The following CDH8 variants were observed in gnomAD, a reference collection of about 807,000 sequenced individuals.
CDH8 encodes cadherin-8.
CDH8 carries 17 observed loss-of-function variants against 68.1 expected under a neutral mutation model. The observed-to-expected ratio is 0.25, with a 90% CI of 0.17 to 0.37. CDH8 has a LOEUF of 0.37. Ranked by LOEUF, CDH8 falls within the 10% of genes least tolerant of loss-of-function variation. The pLI is 1.00. For synonymous variants in CDH8, 372 were observed against 365.1 expected (o/e 1.02, Z -0.21); for missense variants, 763 against 999.3 (o/e 0.76, Z 3.19).
chr16:61,852,869 C>CCTTCCTTCCTTCCTTCCTTCCATT (rs1962965741), intron 4 of CDH8, among the ~76,000 whole-genome samples: 2 of 135,588 alleles, frequency 1.5e-5, no homozygotes, highest in African/African-American at 6.2e-5. Flanking sequence ...TTCCTTCCTT[C>CCTTCCTTCCTTCCTTCCTTCCATT]CTTCCTTCCT....
intron 9 of CDH8, 162 bp downstream of exon 9, chr16:61,726,932 G>C (rs1223949094): frequency 1.4e-6 from 1 of 722,628 alleles, no homozygotes; most frequent in East Asian, 2.7e-5. Context: ...AATAACATCT[G>C]ATGGAGAAAA....
chr16:61,701,384 C>A (rs1023406329), intron 10 of CDH8, among the ~76,000 whole-genome samples: 1 of 152,124 alleles, frequency 6.6e-6, no homozygotes, highest in Non-Finnish European at 1.5e-5. Context: ...AATCACAGTG[C>A]TACACAATTC....
intron 3 of CDH8, among the ~76,000 whole-genome samples, chr16:61,865,415 T>G (rs1255502689): frequency 1.3e-5 from 2 of 152,206 alleles, no homozygotes; most frequent in East Asian, 3.9e-4. Context: ...ATGTCTTCTA[T>G]TCACCCATGC....
At chr16:61,894,594 C>T (rs7198107) in intron 3 of CDH8, among the ~76,000 whole-genome samples, 4,085 of 152,146 alleles carry the variant, frequency 0.027, 179 homozygotes, top group African/African-American at 0.092. Flanking sequence ...ACAACATTTG[C>T]AATTTTTCTC....
intron 3 of CDH8, among the ~76,000 whole-genome samples, chr16:61,877,859 C>T (rs1319989521): frequency 6.6e-6 from 1 of 151,914 alleles, no homozygotes; most frequent in East Asian, 1.9e-4. Context: ...CTTCAGTAGC[C>T]CACAATCATA....
intron 3 of CDH8, among the ~76,000 whole-genome samples, chr16:61,883,959 T>G (rs1399192236): frequency 2.6e-5 from 1 of 38,464 alleles, no homozygotes; most frequent in East Asian, 6.3e-4. Flanking sequence ...CAGTAGAAGG[T>G]TTTTTTTTAA....
At chr16:61,914,894 G>T (rs534739365) in intron 2 of CDH8, among the ~76,000 whole-genome samples, 1 of 152,272 alleles carries the variant, frequency 6.6e-6, no homozygotes, top group African/African-American at 2.4e-5. Flanking sequence ...TGAGACCTGT[G>T]TTAGACTTCT....
chr16:61,668,696 G>A (rs1963730200), intron 10 of CDH8, among the ~76,000 whole-genome samples: 2 of 150,032 alleles, frequency 1.3e-5, no homozygotes, highest in South Asian at 4.2e-4. Context: ...ACACACCAAG[G>A]CCTTTAGTGG....
chr16:61,812,969 A>G (rs1392096678), intron 7 of CDH8, among the ~76,000 whole-genome samples: 2 of 152,226 alleles, frequency 1.3e-5, no homozygotes, highest in African/African-American at 4.8e-5. Flanking sequence ...GAGATAATAC[A>G]TAATAGGAGC....
At chr16:61,723,210 T>A (rs935110368) in intron 9 of CDH8, among the ~76,000 whole-genome samples, 1 of 150,620 alleles carries the variant, frequency 6.6e-6, no homozygotes, top group African/African-American at 2.4e-5. Flanking sequence ...GAGGTAAGAG[T>A]TAGAACACAG....
intron 1 of CDH8, among the ~76,000 whole-genome samples, chr16:62,031,437 TC>T (rs1159915849): frequency 6.6e-6 from 1 of 152,072 alleles, no homozygotes; most frequent in Non-Finnish European, 1.5e-5. Context: ...GGGTGCAGGG[TC>T]TTTGCTAATT....
At position 61,647,616 on chromosome 16, in the gene CDH8, C is replaced by T. The variant is rs1963233066; in HGVS notation, c.*5992G>A. The T allele has an allele frequency of 5.4e-6, 3 of 555,112 alleles. No individual in the cohort carries two copies. Among genetic ancestry groups the T allele is most frequent in the Non-Finnish European group, 9.6e-6 (3 of 313,076 alleles). 34.4% of individuals were successfully genotyped at this position (555,112 alleles called of 1,614,324 possible). A position where few individuals can be genotyped will look rare whatever the true frequency, so the allele number is the denominator to read the frequency against. On this transcript the variant is annotated 3_prime_UTR_variant, in exon 12 of 12. Transcript: ENST00000577390. ...GAAATCCCAAGAAATTAACATTTGG[C>T]TTTGGGGGGTGATCCCAATGACTCC...
chr16:61,694,425 G>T (rs545523714), intron 10 of CDH8, among the ~76,000 whole-genome samples: 1 of 152,254 alleles, frequency 6.6e-6, no homozygotes, highest in South Asian at 2.1e-4. Context: ...AACTGTCTTG[G>T]ATAGTCATAA....
chr16:61,721,262 C>T lies in CDH8; in HGVS notation c.1536+5832G>A, dbSNP rs559441819. Among the ~76,000 whole-genome samples the T allele has an allele frequency of 2.0e-5, 3 of 150,972 alleles. No homozygotes were observed. The South Asian group carries it at 6.2e-4, about 31-fold the overall frequency. ...CCATTAATTTACCATCTCCTTACTC[C>T]ACCCAAAATAAAGTGAAAGTAGTAT... is the stretch of plus-strand genomic sequence containing the variant. On this transcript the variant is annotated intron_variant, in intron 9 of 11. Coordinates refer to ENST00000577390, the MANE Select transcript of CDH8 (RefSeq NM_001796.5).
chr16:61,954,860 G>T (rs887399158), intron 2 of CDH8, among the ~76,000 whole-genome samples: 14 of 152,176 alleles, frequency 9.2e-5, no homozygotes, highest in Non-Finnish European at 1.6e-4. Context: ...TGTGGGAGAA[G>T]TGAAATATCT....
rs118087161 is a variant in CDH8, at chr16:61,933,721, T to G, written c.253-32248A>C. Among the ~76,000 whole-genome samples, 1,107 of 151,720 alleles carry G rather than the reference T, an allele frequency of 7.3e-3. 4 individuals carry two copies. Among genetic ancestry groups the G allele is most frequent in the Non-Finnish European group, 0.012 (833 of 67,994 alleles). The stretch of plus-strand genomic sequence containing the variant: ...TTCTTTTAGTGCTGGTGGTGATTTT[T>G]TTTGTTTGTTTTTTGCAACCTTCAC... On this transcript the variant is annotated intron_variant, in intron 2 of 11. Coordinates refer to ENST00000577390, the MANE Select transcript of CDH8 (RefSeq NM_001796.5).
chr16:61,873,507 T>A (rs982225851), intron 3 of CDH8, among the ~76,000 whole-genome samples: 2 of 152,198 alleles, frequency 1.3e-5, no homozygotes, highest in African/African-American at 4.8e-5. Flanking sequence ...ATTAAATAGT[T>A]ATGTGGAACA....
intron 9 of CDH8, chr16:61,726,132 A>G (rs573707233): frequency 6.6e-6 from 1 of 151,020 alleles, no homozygotes; most frequent in African/African-American, 2.4e-5. Context: ...AATTCCTAAC[A>G]CCCACATGAG....
chr16:62,023,027 A>G (rs1256329689), intron 1 of CDH8, among the ~76,000 whole-genome samples: 6 of 152,166 alleles, frequency 3.9e-5, no homozygotes, highest in Admixed American at 3.9e-4. Context: ...GAGAAAACGG[A>G]GTCCAGAACA....
Sources: allele counts gnomAD v4.1 joint callset (sites outside exome capture counted in the v4.1 genomes callset), GRCh38; gene constraint gnomAD v4.1.1; transcripts MANE v1.5; gene names NCBI Gene and HGNC (gene_info 2026-07-23, HGNC 2026-07-21).